GRID2IP: variants seen among roughly 807,000 people sequenced by gnomAD.
GRID2IP encodes the protein Grid2 interacting protein.
Under a neutral mutation model 114.3 loss-of-function variants are expected in GRID2IP, and 78 were observed. The observed-to-expected ratio is 0.68, with a 90% CI of 0.57 to 0.82. GRID2IP has a LOEUF of 0.82. GRID2IP is among the 40% of genes least tolerant of loss of function. GRID2IP has a pLI of 0.00. For missense variants in GRID2IP, 1,727 were observed against 1,678.5 expected (o/e 1.03, Z -0.51); for synonymous variants, 809 against 724.0 (o/e 1.12, Z -1.89).
At chr7:6,518,709 CTGA>C (rs1779357555) in intron 7 of GRID2IP, among the ~76,000 whole-genome samples, 1 of 151,754 alleles carries the variant, frequency 6.6e-6, no homozygotes, top group Non-Finnish European at 1.5e-5. Flanking sequence ...GTACTCCAGC[CTGA>C]TGACAGAGTA....
intron 4 of GRID2IP, among the ~76,000 whole-genome samples, 173 bp from the exon 5 acceptor site, chr7:6,522,130 G>T (rs147226174): frequency 6.6e-6 from 1 of 152,048 alleles, no homozygotes; most frequent in African/African-American, 2.4e-5. Flanking sequence ...CAGGAGGATC[G>T]CTTGAGCCCA....
chr7:6,503,729 G>A (rs779344863), intron 15 of GRID2IP, 42 bp from the exon 16 acceptor site: 6 of 1,391,380 alleles, frequency 4.3e-6, no homozygotes, highest in Non-Finnish European at 5.6e-6. Context: ...GGGCCGGAGC[G>A]GGGCCGGATG....
intron 1 of GRID2IP, among the ~76,000 whole-genome samples, chr7:6,542,081 C>T (rs978229991): frequency 1.9e-4 from 29 of 151,998 alleles, no homozygotes; most frequent in African/African-American, 5.3e-4. Context: ...GGGGGCGGAT[C>T]ATCTGAGGTC....
intron 4 of GRID2IP, among the ~76,000 whole-genome samples, chr7:6,522,851 G>A (rs1779439579): frequency 6.6e-6 from 1 of 150,516 alleles, no homozygotes; most frequent in South Asian, 2.1e-4. Flanking sequence ...GTGTTTAGTA[G>A]AGATGAGGTT....
chr7:6,511,139 T>C (rs1779143392), intron 8 of GRID2IP, 100 bp from the exon 9 acceptor site: 1 of 1,281,320 alleles, frequency 7.8e-7, no homozygotes, highest in Non-Finnish European at 9.9e-7. Context: ...TGCACCAATA[T>C]GCAGACCCCA....
Position 6,507,620 on chromosome 7 carries a change from G to C in GRID2IP, c.2544+365C>G, listed in dbSNP as rs924024773. On this transcript the variant is annotated intron_variant, in intron 13 of 21. Transcript: ENST00000457091. This position sits in a 1 kb window ranked among gnomAD's most constrained non-coding sequence, Gnocchi z 5.3. Reference sequence around the variant, plus strand: ...TTCAAGCATACACTGCCAGTGTTGTGAGGGAGGAACTTCAAGCATCAAAGT... The same window carrying C: ...TTCAAGCATACACTGCCAGTGTTGTCAGGGAGGAACTTCAAGCATCAAAGT... Among the ~76,000 whole-genome samples, 1 of 152,234 alleles carries C rather than the reference G, an allele frequency of 6.6e-6. No homozygotes were observed. The highest frequency in any genetic ancestry group is 6.5e-5 in the Admixed American group (1 of 15,282).
intron 2 of GRID2IP, among the ~76,000 whole-genome samples, chr7:6,537,370 CTTTTTTT>C (rs772469574): frequency 5.1e-5 from 3 of 58,356 alleles, no homozygotes; most frequent in Admixed American, 5.6e-4. Flanking sequence ...ATGGTGAGAC[CTTTTTTT>C]TTTTTTTTTT....
chr7:6,537,541 C>G (rs1177464961), intron 2 of GRID2IP, among the ~76,000 whole-genome samples: 1 of 151,148 alleles, frequency 6.6e-6, no homozygotes, highest in East Asian at 2.0e-4. Context: ...CCACAACCTG[C>G]TAATTTTTTG....
chr7:6,544,332 T>G (rs1779854275), intron 1 of GRID2IP, among the ~76,000 whole-genome samples: 1 of 151,672 alleles, frequency 6.6e-6, no homozygotes, highest in Admixed American at 6.6e-5. Flanking sequence ...CAGGCTGGAG[T>G]GCAATGGCAT....
chr7:6,498,572 C>T (rs1325019252), intron 20 of GRID2IP, among the ~76,000 whole-genome samples: 7 of 68,138 alleles, frequency 1.0e-4, no homozygotes, highest in South Asian at 5.7e-4. Context: ...CTAGGCCTTA[C>T]TTTTTTTTTT....
At chr7:6,499,512 T>C (rs1786354655) in intron 20 of GRID2IP, among the ~76,000 whole-genome samples, 1 of 152,148 alleles carries the variant, frequency 6.6e-6, no homozygotes, top group Non-Finnish European at 1.5e-5. Flanking sequence ...CTTACTGCAA[T>C]CTCCGCCTCC....
intron 7 of GRID2IP, among the ~76,000 whole-genome samples, chr7:6,517,989 T>C (rs1779343313): frequency 2.0e-5 from 3 of 151,660 alleles, no homozygotes; most frequent in Admixed American, 2.0e-4. Context: ...CCCAGCACTT[T>C]GGAAGGCTAA....
rs1466896160 is a variant in GRID2IP at position 6,526,795 on chromosome 7, G to A, written c.585-26C>T. The A allele has an allele frequency of 2.7e-6, 4 of 1,487,350 alleles. No homozygotes were observed. Among genetic ancestry groups the A allele is most frequent in the Non-Finnish European group, 3.6e-6 (4 of 1,120,892 alleles). 92.1% of individuals were successfully genotyped at this position (1,487,350 alleles called of 1,614,324 possible). On this transcript the variant is annotated intron_variant, in intron 2 of 21. Transcript: ENST00000457091. This position sits in a 1 kb window ranked among gnomAD's most constrained non-coding sequence, Gnocchi z 7.6. ...CTGCCGGCGAGGACGGCGGAGTCGG[G>A]GCGCGTTCCCGGACCCCGGATCTCT...
At position 6,551,296 on chromosome 7, in the gene GRID2IP, G is replaced by A. The variant is rs977597875; in HGVS notation, c.141C>T (p.Asp47=). 1 of 1,542,438 alleles carries A rather than the reference G, an allele frequency of 6.5e-7. No individual in the cohort carries two copies. The highest frequency in any genetic ancestry group is 1.4e-5 in the African/African-American group (1 of 72,964). The change falls in exon 1 of 22, where the codon GAC becomes GAT. Residue 47 remains aspartate (D), a synonymous_variant. Transcript: ENST00000457091. ...SAHAGGLRPG[D]QILEVEGLAV... is the part of the protein sequence containing the mutation. ...CCAGCCCCTCCACCTCCAGGATCTG[G>A]TCTCCTGGCCGCAGTCCTCCGGCAT...
At chr7:6,504,277 GGGGAGAGGGCGGGGCCCAGCA>G (rs1452660567) in intron 15 of GRID2IP, among the ~76,000 whole-genome samples, 19 of 150,940 alleles carry the variant, frequency 1.3e-4, no homozygotes, top group African/African-American at 4.4e-4. Flanking sequence ...GTTCGAGCGG[GGGGAGAGGGCGGGGCCCAGCA>G]GGGAGAGGGC....
In GRID2IP at chr7:6,509,232, C is replaced by T; in HGVS notation, c.1853G>A (p.Gly618Asp). The T allele has an allele frequency of 1.3e-6, 2 of 1,510,478 alleles. No homozygotes were observed. The highest frequency in any genetic ancestry group is 8.9e-7 in the Non-Finnish European group (1 of 1,127,568). The allele number at this position is 1,510,478 out of a possible 1,614,324, so 93.6% of individuals were successfully genotyped here. ...CTCAGAGCTGCTGGGGGAGGCCAGACCCCCCGAACACAGCGGGTGGTAGCA... is the reference window on the plus strand; with the variant it reads ...CTCAGAGCTGCTGGGGGAGGCCAGATCCCCCGAACACAGCGGGTGGTAGCA... ...SPCYHPLCSG[G>D]LASPSSSESH... Residue 618 changes from glycine (G) to aspartate (D), a missense_variant, in exon 12 of 22, where the codon GGT (glycine) becomes GAT (aspartate). By Grantham distance (94) the Gly-to-Asp change is moderately conservative (BLOSUM62 -1). Transcript: ENST00000457091. This position sits in a 1 kb window ranked among gnomAD's most constrained non-coding sequence, Gnocchi z 4.9.
At chr7:6,530,666 G>A (rs1779605078) in intron 2 of GRID2IP, among the ~76,000 whole-genome samples, 1 of 152,164 alleles carries the variant, frequency 6.6e-6, no homozygotes, top group African/African-American at 2.4e-5. Flanking sequence ...TAGGGAGCAC[G>A]GCAGTGGAGA....
Position 6,508,734 on chromosome 7 carries a change from C to G in GRID2IP, c.2127+224G>C, listed in dbSNP as rs946889613. Among the ~76,000 whole-genome samples the G allele has an allele frequency of 1.3e-5, 2 of 152,036 alleles. No individual in the cohort carries two copies. The highest frequency in any genetic ancestry group is 2.1e-4 in the South Asian group (1 of 4,826). ...CTGAGCTAAGGAATGGGCTAACCTGCGACAGGGAATATGGGCTAGCCTCAG... is the reference window on the plus strand; with the variant it reads ...CTGAGCTAAGGAATGGGCTAACCTGGGACAGGGAATATGGGCTAGCCTCAG... On this transcript the variant is annotated intron_variant, in intron 12 of 21. Transcript: ENST00000457091. The surrounding 1 kb of genome is among the most constrained non-coding windows in gnomAD (Gnocchi z 5.6).
Position 6,506,142 on chromosome 7 carries a change from T to C in GRID2IP, c.2545-235A>G, listed in dbSNP as rs1404348466. Among the ~76,000 whole-genome samples, 1 of 152,180 alleles carries C rather than the reference T, an allele frequency of 6.6e-6. No individual in the cohort carries two copies. The highest frequency in any genetic ancestry group is 2.4e-5 in the African/African-American group (1 of 41,444). On this transcript the variant is annotated intron_variant, in intron 13 of 21. Coordinates refer to ENST00000457091, the MANE Select transcript of GRID2IP (RefSeq NM_001145118.2). This position sits in a 1 kb window ranked among gnomAD's most constrained non-coding sequence, Gnocchi z 5.2. Reference sequence around the variant, plus strand: ...CGAGACTCAAGACTTGGAACACTACTCGTGCAGAAGCCAGCAAGGTGGGAC... The same window carrying C: ...CGAGACTCAAGACTTGGAACACTACCCGTGCAGAAGCCAGCAAGGTGGGAC...
Sources: allele counts gnomAD v4.1 joint callset (sites outside exome capture counted in the v4.1 genomes callset), GRCh38; gene constraint gnomAD v4.1.1; non-coding constraint Gnocchi (gnomAD v3.1); transcripts MANE v1.5; gene names NCBI Gene and HGNC (gene_info 2026-07-23, HGNC 2026-07-21).